VAT1L: variants seen among roughly 807,000 people sequenced by gnomAD.
The protein encoded by VAT1L is putative NADPH-dependent quinone oxidoreductase VAT1L.
Under a neutral mutation model 44.1 loss-of-function variants are expected in VAT1L, and 34 were observed. The ratio of observed to expected loss-of-function variants is 0.77; its 90% CI spans 0.59 to 1.03. The LOEUF is 1.03. VAT1L is among the 50% of genes least tolerant of loss of function. The pLI is 0.00. For missense variants in VAT1L, 615 were observed against 538.8 expected (o/e 1.14, Z -1.40); for synonymous variants, 253 against 202.2 (o/e 1.25, Z -2.13).
Position 77,870,992 on chromosome 16 carries a change from A to C in VAT1L, c.723-5378A>C, listed in dbSNP as rs182546982. 5.4e-4 allele frequency among the ~76,000 whole-genome samples: 81 copies of C among 150,742 alleles called. 1 individual carries two copies. Among genetic ancestry groups the C allele is most frequent in the Admixed American group, 1.5e-3 (23 of 15,210 alleles). ...GACCAGGAACATTCTAAATAGACCCAACTGAATCCAGTTCAGTACAGTCTT... is the reference window on the plus strand; with the variant it reads ...GACCAGGAACATTCTAAATAGACCCCACTGAATCCAGTTCAGTACAGTCTT... On this transcript the variant is annotated intron_variant, in intron 4 of 8. Coordinates refer to ENST00000302536, the MANE Select transcript of VAT1L (RefSeq NM_020927.3).
intron 7 of VAT1L, among the ~76,000 whole-genome samples, chr16:77,925,432 C>T (rs2017655434): frequency 6.6e-6 from 1 of 152,138 alleles, no homozygotes; most frequent in Admixed American, 6.5e-5. Flanking sequence ...CAAAATCAAG[C>T]TAATAATACC....
chr16:77,896,315 G>GA (rs2017324317), intron 7 of VAT1L, among the ~76,000 whole-genome samples: 1 of 152,112 alleles, frequency 6.6e-6, no homozygotes, highest in Admixed American at 6.5e-5. Context: ...CCTCCCTCTT[G>GA]CCATTATCCC....
intron 7 of VAT1L, among the ~76,000 whole-genome samples, chr16:77,950,212 C>A (rs1481955407): frequency 6.6e-6 from 1 of 152,118 alleles, no homozygotes; most frequent in Admixed American, 6.6e-5. Context: ...AGTTCAAAAC[C>A]AGCCTGGCCA....
chr16:77,970,526 G>A (rs534686966), intron 7 of VAT1L, among the ~76,000 whole-genome samples: 4 of 152,288 alleles, frequency 2.6e-5, no homozygotes, highest in East Asian at 3.9e-4. Context: ...GTAATTAGCT[G>A]TATATATCTT....
Position 77,884,746 on chromosome 16 carries a change from C to T in VAT1L, c.1021C>T (p.Leu341Phe). Residue 341 changes from leucine (L) to phenylalanine (F), a missense_variant, in exon 7 of 9, where the codon CTC becomes TTC. Physicochemically the swap from Leu to Phe is conservative, Grantham distance 22 (BLOSUM62 0). Transcript: ENST00000302536. This position sits in a 1 kb window ranked among gnomAD's most constrained non-coding sequence, Gnocchi z 4.5. Reference sequence around the variant, plus strand: ...GGGAGTGGTGGAAAAACTCATAGGGCTCTACAACCAGAAGAAGATCAAGCC... The same window carrying T: ...GGGAGTGGTGGAAAAACTCATAGGGTTCTACAACCAGAAGAAGATCAAGCC... Reference protein sequence around the residue: ...IRGVVEKLIGLYNQKKIKPVV... With the variant: ...IRGVVEKLIGFYNQKKIKPVV... The T allele has an allele frequency of 6.3e-7, 1 of 1,593,500 alleles. No individual in the cohort carries two copies. Among genetic ancestry groups the T allele is most frequent in the South Asian group, 1.1e-5 (1 of 87,454 alleles).
chr16:77,903,039 C>T (rs2017401463), intron 7 of VAT1L, among the ~76,000 whole-genome samples: 2 of 151,542 alleles, frequency 1.3e-5, no homozygotes, highest in African/African-American at 2.4e-5. Flanking sequence ...CTTACACTCT[C>T]ATAGTAGATA....
At chr16:77,920,468 C>G (rs1229431877) in intron 7 of VAT1L, among the ~76,000 whole-genome samples, 2 of 152,134 alleles carry the variant, frequency 1.3e-5, no homozygotes. Context: ...ACTCCACACA[C>G]CTCATCAGCA....
intron 7 of VAT1L, among the ~76,000 whole-genome samples, chr16:77,964,085 G>A (rs1198273345): frequency 1.3e-5 from 2 of 151,944 alleles, no homozygotes; most frequent in Non-Finnish European, 2.9e-5. Flanking sequence ...TCCTCTTAGA[G>A]AATCCCACGT....
At chr16:77,854,759 T>C (rs1353038878) in intron 3 of VAT1L, among the ~76,000 whole-genome samples, 1 of 152,194 alleles carries the variant, frequency 6.6e-6, no homozygotes, top group Non-Finnish European at 1.5e-5. Context: ...TCATTTCCAT[T>C]CTTTGACTAC....
At chr16:77,932,781 C>A (rs2017747364) in intron 7 of VAT1L, among the ~76,000 whole-genome samples, 1 of 152,130 alleles carries the variant, frequency 6.6e-6, no homozygotes, top group South Asian at 2.1e-4. Flanking sequence ...TCTGTTCTGC[C>A]CACAAACCTG....
chr16:77,900,457 G>A (rs1057429898), intron 7 of VAT1L, among the ~76,000 whole-genome samples: 4 of 152,044 alleles, frequency 2.6e-5, no homozygotes, highest in African/African-American at 4.8e-5. Flanking sequence ...ATTTTGGGAG[G>A]ACAAGGCGGG....
At chr16:77,949,417 G>A (rs2018013077) in intron 7 of VAT1L, among the ~76,000 whole-genome samples, 1 of 152,150 alleles carries the variant, frequency 6.6e-6, no homozygotes, top group African/African-American at 2.4e-5. Context: ...AAAAAGAATA[G>A]GCAATGTGCT....
chr16:77,942,707 A>T (rs969064472), intron 7 of VAT1L, among the ~76,000 whole-genome samples: 1 of 152,170 alleles, frequency 6.6e-6, no homozygotes, highest in African/African-American at 2.4e-5. Context: ...TGAATTCAGT[A>T]ACCACCCTGT....
chr16:77,949,039 T>C (rs1298081877), intron 7 of VAT1L, among the ~76,000 whole-genome samples: 1 of 152,186 alleles, frequency 6.6e-6, no homozygotes, highest in African/African-American at 2.4e-5. Context: ...GATCTATCAG[T>C]AATCTGTATC....
At chr16:77,829,933 T>C (rs184712557) in intron 3 of VAT1L, among the ~76,000 whole-genome samples, 2 of 152,320 alleles carry the variant, frequency 1.3e-5, no homozygotes, top group African/African-American at 4.8e-5. Context: ...CATTCCCATT[T>C]TACAGAAGTG....
intron 5 of VAT1L, 53 bp downstream of exon 5, chr16:77,876,526 TG>T: frequency 6.7e-7 from 1 of 1,503,206 alleles, no homozygotes; most frequent in East Asian, 2.3e-5. Flanking sequence ...CCTCTACATA[TG>T]TGCCTGCAAA....
At chr16:77,968,330 C>T (rs1353597187) in intron 7 of VAT1L, among the ~76,000 whole-genome samples, 1 of 152,146 alleles carries the variant, frequency 6.6e-6, no homozygotes, top group Non-Finnish European at 1.5e-5. Flanking sequence ...TCAAGAAAGT[C>T]AAGTGGTGAA....
intron 7 of VAT1L, among the ~76,000 whole-genome samples, chr16:77,964,938 G>C (rs899590495): frequency 6.6e-6 from 1 of 151,822 alleles, no homozygotes; most frequent in Non-Finnish European, 1.5e-5. Context: ...TTACAGGCAT[G>C]CACCACCATG....
At chr16:77,972,025 C>G (rs1455597532) in intron 8 of VAT1L, 92 bp downstream of exon 8, 1 of 1,270,738 alleles carries the variant, frequency 7.9e-7, no homozygotes, top group Non-Finnish European at 1.1e-6. Context: ...GAAGGAAGTA[C>G]AGGTAGCCTG....
Sources: allele counts gnomAD v4.1 joint callset (sites outside exome capture counted in the v4.1 genomes callset), GRCh38; gene constraint gnomAD v4.1.1; non-coding constraint Gnocchi (gnomAD v3.1); transcripts MANE v1.5; gene names NCBI Gene and HGNC (gene_info 2026-07-23, HGNC 2026-07-21).